PAWR: variants seen among roughly 807,000 people sequenced by gnomAD.
PAWR encodes the protein PRKC apoptosis WT1 regulator protein.
A neutral mutation model predicts 32.0 loss-of-function variants in PAWR; 23 were observed. That is an observed-to-expected ratio of 0.72 (90% CI 0.52 to 1.02). PAWR has a LOEUF of 1.02. PAWR is among the 50% of genes least tolerant of loss of function. The pLI, the probability that PAWR is intolerant of heterozygous loss-of-function variation, is 0.00. For synonymous variants in PAWR, 226 were observed against 187.1 expected, an observed-to-expected ratio of 1.21 and a Z score of -1.70; for missense variants, 457 against 437.7, an observed-to-expected ratio of 1.04 and a Z score of -0.39.
Position 79,589,212 on chromosome 12 carries a change from T to C in PAWR, c.*3395A>G, listed in dbSNP as rs942343265. 11 of 151,978 alleles carry C rather than the reference T, an allele frequency of 7.2e-5. No individual in the cohort carries two copies. The highest frequency in any genetic ancestry group is 2.7e-4 in the African/African-American group (11 of 41,430). 9.4% of individuals were successfully genotyped at this position (151,978 alleles called of 1,614,324 possible). ...AGAAAGATACCTATCACTGTACATA[T>C]GAATACTGTCCAGGATATCAGATCA... On this transcript the variant is annotated 3_prime_UTR_variant, in exon 7 of 7. Transcript: ENST00000328827.
Position 79,590,680 on chromosome 12 carries a change from CAT to C in PAWR, c.*1925_*1926del, listed in dbSNP as rs1485395181. 1.3e-5 allele frequency: 2 copies of C among 152,144 alleles called. No individual in the cohort carries two copies. The highest frequency in any genetic ancestry group is 4.8e-5 in the African/African-American group (2 of 41,410). 9.4% of individuals were successfully genotyped at this position (152,144 alleles called of 1,614,324 possible). ...TGGATGACGAACTAGGCAATAAGGA[CAT>C]GTGTGCCACATAACTAAGGGTAACT... is the stretch of plus-strand genomic sequence containing the variant. On this transcript the variant is annotated 3_prime_UTR_variant, in exon 7 of 7. Transcript: ENST00000328827.
Position 79,619,479 on chromosome 12 carries a change from G to A in PAWR, c.648+1597C>T, listed in dbSNP as rs151099581. 4.1e-3 allele frequency among the ~76,000 whole-genome samples: 622 copies of A among 152,236 alleles called. 12 individuals carry two copies. The highest frequency in any genetic ancestry group is 0.014 in the African/African-American group (590 of 41,538). ...CTGAAGTTGCTAAGCTTTATGATAA[G>A]AACATATCTTCTATCCATGAAATTG... On this transcript the variant is annotated intron_variant, in intron 3 of 6. Transcript: ENST00000328827.
At chr12:79,676,542 CCTT>C (rs1402489232) in intron 2 of PAWR, among the ~76,000 whole-genome samples, 4 of 152,050 alleles carry the variant, frequency 2.6e-5, no homozygotes, top group Non-Finnish European at 2.9e-5. Flanking sequence ...CAACTAATCT[CCTT>C]ATCTCTATTC....
At chr12:79,627,732 G>A (rs183025645) in intron 2 of PAWR, among the ~76,000 whole-genome samples, 3 of 152,230 alleles carry the variant, frequency 2.0e-5, no homozygotes, top group African/African-American at 7.2e-5. Flanking sequence ...TAATGGTAAA[G>A]GGATCAATTC....
At chr12:79,605,132 T>C (rs1293510425) in intron 4 of PAWR, among the ~76,000 whole-genome samples, 1 of 152,154 alleles carries the variant, frequency 6.6e-6, no homozygotes, top group East Asian at 1.9e-4. Context: ...AATAATTTTC[T>C]TATGTAATTA....
At chr12:79,618,112 A>C (rs1217945310) in intron 3 of PAWR, among the ~76,000 whole-genome samples, 2 of 151,908 alleles carry the variant, frequency 1.3e-5, no homozygotes, top group Non-Finnish European at 1.5e-5. Context: ...ATTACCTCAA[A>C]TACTCATCAC....
chr12:79,667,327 T>C (rs1403532237), intron 2 of PAWR, among the ~76,000 whole-genome samples: 1 of 152,172 alleles, frequency 6.6e-6, no homozygotes, highest in East Asian at 1.9e-4. Context: ...CCACATATAA[T>C]GTATCCTTGT....
At chr12:79,654,475 A>C (rs1383816191) in intron 2 of PAWR, among the ~76,000 whole-genome samples, 1 of 152,122 alleles carries the variant, frequency 6.6e-6, no homozygotes, top group Non-Finnish European at 1.5e-5. Flanking sequence ...CATAAATCAA[A>C]CAACCAAAGC....
chr12:79,610,651 C>T (rs1390603061), intron 4 of PAWR, among the ~76,000 whole-genome samples: 1 of 151,614 alleles, frequency 6.6e-6, no homozygotes, highest in Non-Finnish European at 1.5e-5. Context: ...TGAGGCCAGG[C>T]ACAGTGGCTC....
At position 79,586,969 on chromosome 12, in the gene PAWR, C is replaced by A. The variant is rs928069235; in HGVS notation, c.*5638G>T. On this transcript the variant is annotated 3_prime_UTR_variant, in exon 7 of 7. Transcript: ENST00000328827. Reference sequence around the variant, plus strand: ...AGAGTTGACCAGGAATGAAATGTAACCTCTTTTAAAGATGAAGAAAAACTG... The same window carrying A: ...AGAGTTGACCAGGAATGAAATGTAAACTCTTTTAAAGATGAAGAAAAACTG... The A allele has an allele frequency of 3.9e-5, 6 of 151,966 alleles. No homozygotes were observed. Among genetic ancestry groups the A allele is most frequent in the African/African-American group, 1.4e-4 (6 of 41,392 alleles). 9.4% of individuals were successfully genotyped at this position (151,966 alleles called of 1,614,324 possible). A position where few individuals can be genotyped will look rare whatever the true frequency, so the allele number is the denominator to read the frequency against.
rs1370794337 is a variant in PAWR at position 79,678,974 on chromosome 12, G to A, written c.516+10755C>T. 4.7e-5 allele frequency among the ~76,000 whole-genome samples: 7 copies of A among 150,464 alleles called. No individual in the cohort carries two copies. The South Asian group carries it at 1.5e-3, about 31-fold the overall frequency. ...GTGCAGTGGCATTATCATAGCTAAC[G>A]GCAGCCTAAAATTCCTGGGCTCAAG... On this transcript the variant is annotated intron_variant, in intron 2 of 6. Coordinates refer to ENST00000328827, the MANE Select transcript of PAWR (RefSeq NM_002583.4).
At chr12:79,649,057 T>C (rs1220113093) in intron 2 of PAWR, among the ~76,000 whole-genome samples, 1 of 152,194 alleles carries the variant, frequency 6.6e-6, no homozygotes, top group African/African-American at 2.4e-5. Context: ...TAAATACCAC[T>C]GGCCCTAGCT....
chr12:79,660,382 T>C (rs891433889), intron 2 of PAWR, among the ~76,000 whole-genome samples: 4 of 151,822 alleles, frequency 2.6e-5, no homozygotes, highest in East Asian at 3.9e-4. Flanking sequence ...AGATGACAAA[T>C]AGAAACAAAC....
At chr12:79,635,446 G>A (rs1042601977) in intron 2 of PAWR, 15 of 151,574 alleles carry the variant, frequency 9.9e-5, no homozygotes, top group Non-Finnish European at 1.5e-4. Context: ...ACACAGTTCC[G>A]GTAAGAAAGA....
intron 2 of PAWR, among the ~76,000 whole-genome samples, chr12:79,664,240 T>A (rs1049102826): frequency 6.6e-6 from 1 of 152,174 alleles, no homozygotes; most frequent in Non-Finnish European, 1.5e-5. Flanking sequence ...AACTTTTTTT[T>A]AAGTGCATTT....
chr12:79,676,216 G>C (rs1328296185), intron 2 of PAWR, among the ~76,000 whole-genome samples: 2 of 152,106 alleles, frequency 1.3e-5, no homozygotes, highest in African/African-American at 4.8e-5. Flanking sequence ...ACTTAGAATA[G>C]TACCAGGCTC....
intron 2 of PAWR, among the ~76,000 whole-genome samples, chr12:79,630,839 A>G (rs1875584901): frequency 6.6e-6 from 1 of 150,850 alleles, no homozygotes; most frequent in Non-Finnish European, 1.5e-5. Context: ...TGAGGCCAAC[A>G]ATGCTCTGGT....
intron 2 of PAWR, among the ~76,000 whole-genome samples, chr12:79,625,933 G>C (rs1253154535): frequency 6.6e-6 from 1 of 151,486 alleles, no homozygotes; most frequent in Non-Finnish European, 1.5e-5. Context: ...GGGAGTCCGA[G>C]GCAGGCGGAT....
intron 4 of PAWR, among the ~76,000 whole-genome samples, chr12:79,598,738 A>G (rs760140319): frequency 3.3e-5 from 5 of 152,190 alleles, no homozygotes; most frequent in Non-Finnish European, 5.9e-5. Flanking sequence ...CAGCTAAGGT[A>G]ACTTTCTCCT....
Sources: gnomAD v4.1 joint callset for allele counts (sites outside exome capture counted in the v4.1 genomes callset) on GRCh38, gnomAD v4.1.1 for gene constraint, MANE v1.5 for transcripts, NCBI Gene and HGNC (gene_info 2026-07-23, HGNC 2026-07-21) for gene names.